NRXN1: variants seen among roughly 807,000 people sequenced by gnomAD.
NRXN1 encodes the protein neurexin-1.
In NRXN1, 39 loss-of-function variants were observed where a neutral mutation model predicts 150.9. The observed-to-expected ratio is 0.26, with a 90% CI of 0.20 to 0.34. The LOEUF is 0.34. NRXN1 is among the 10% of genes least tolerant of loss of function. NRXN1 has a pLI of 1.00. For missense variants in NRXN1, 1,815 were observed against 1,949.9 expected (o/e 0.93, Z 1.30); for synonymous variants, 924 against 757.0 (o/e 1.22, Z -3.62).
chr2:50,010,336 T>C (rs1000939140), intron 21 of NRXN1, among the ~76,000 whole-genome samples: 2 of 152,120 alleles, frequency 1.3e-5, no homozygotes, highest in Non-Finnish European at 2.9e-5. Flanking sequence ...AGATTTCTTT[T>C]GAATGTTCTC....
At chr2:49,978,437 G>T (rs1281884567) in intron 21 of NRXN1, among the ~76,000 whole-genome samples, 1 of 152,070 alleles carries the variant, frequency 6.6e-6, no homozygotes, top group East Asian at 1.9e-4. Flanking sequence ...CATAGATAAG[G>T]TTTCTGAAAA....
In NRXN1 at chr2:49,937,594, G is replaced by A. The variant is rs187890395; in HGVS notation, c.4216+6110C>T. On this transcript the variant is annotated intron_variant, in intron 22 of 22. Transcript: ENST00000401669. ...ACACTGAAACCCAGCTAGCACATCA[G>A]TTTCCAACTCCAGCTGCCCCATCCC... 3.3e-5 allele frequency among the ~76,000 whole-genome samples: 5 copies of A among 152,238 alleles called. No homozygotes were observed. The East Asian group carries it at 7.7e-4, about 24-fold the overall frequency.
At chr2:50,829,680 G>A (rs557084104) in intron 5 of NRXN1, 23 of 1,610,364 alleles carry the variant, frequency 1.4e-5, no homozygotes, top group Admixed American at 1.2e-4. Flanking sequence ...CTGACACAGC[G>A]GAGCGCCGCG....
chr2:50,081,112 G>T (rs1037915605), intron 19 of NRXN1, among the ~76,000 whole-genome samples: 2 of 152,250 alleles, frequency 1.3e-5, no homozygotes, highest in African/African-American at 4.8e-5. Flanking sequence ...GAGATTCAAA[G>T]GAAGTTAAGA....
chr2:50,840,969 C>A (rs536521872), intron 5 of NRXN1: 3 of 152,614 alleles, frequency 2.0e-5, no homozygotes, highest in South Asian at 2.1e-4. Flanking sequence ...CTAATTAGAA[C>A]TGGGGTAGCT....
intron 17 of NRXN1, among the ~76,000 whole-genome samples, chr2:50,341,770 A>C (rs996622166): frequency 6.6e-6 from 1 of 152,226 alleles, no homozygotes; most frequent in Non-Finnish European, 1.5e-5. Flanking sequence ...CAACTGTATA[A>C]AGAGCTCTTT....
At chr2:50,853,150 GCTAT>G (rs1039449477) in intron 5 of NRXN1, among the ~76,000 whole-genome samples, 5 of 152,250 alleles carry the variant, frequency 3.3e-5, no homozygotes, top group African/African-American at 1.2e-4. Flanking sequence ...TTTATTCTCT[GCTAT>G]CTGAGGACTA....
intron 13 of NRXN1, among the ~76,000 whole-genome samples, chr2:50,502,226 G>GGAAGGAAA (rs1277724775): frequency 3.3e-5 from 2 of 61,278 alleles, no homozygotes; most frequent in African/African-American, 1.1e-4. Flanking sequence ...AAGGAAAGAA[G>GGAAGGAAA]GAAGGAAGGA....
intron 21 of NRXN1, among the ~76,000 whole-genome samples, chr2:49,977,259 G>A (rs552863441): frequency 1.2e-4 from 19 of 152,166 alleles, no homozygotes; most frequent in Middle Eastern, 3.4e-3. Context: ...AGTGGTTTCG[G>A]ATGGTGATTT....
At chr2:50,229,494 T>C (rs1427963263) in intron 18 of NRXN1, among the ~76,000 whole-genome samples, 1 of 152,076 alleles carries the variant, frequency 6.6e-6, no homozygotes, top group Non-Finnish European at 1.5e-5. Context: ...GCCTCCTTAA[T>C]AACGTGCTTG....
rs535480569 is a variant in NRXN1 at position 50,155,001 on chromosome 2, T to C, written c.3547-63507A>G. On this transcript the variant is annotated intron_variant, in intron 18 of 22. Transcript: ENST00000401669. ...AATAAAAGTATAAAATCATTCAAAA[T>C]TGTATCTATAGTGGAATTTCATCAA... Among the ~76,000 whole-genome samples the C allele has an allele frequency of 2.6e-5, 4 of 151,786 alleles. No homozygotes were observed. In the South Asian group the frequency reaches 8.3e-4, roughly 31 times the overall value.
chr2:50,309,115 G>A (rs571586193), intron 17 of NRXN1, among the ~76,000 whole-genome samples: 1 of 152,154 alleles, frequency 6.6e-6, no homozygotes, highest in African/African-American at 2.4e-5. Context: ...TTTGATCCAA[G>A]GTTCTTTCCC....
At chr2:50,331,368 A>T (rs2076824659) in intron 17 of NRXN1, among the ~76,000 whole-genome samples, 1 of 152,266 alleles carries the variant, frequency 6.6e-6, no homozygotes, top group South Asian at 2.1e-4. Context: ...AGGACCAAAG[A>T]GTGTTTTTAT....
intron 18 of NRXN1, among the ~76,000 whole-genome samples, chr2:50,213,533 T>A (rs184791182): frequency 6.6e-6 from 1 of 151,984 alleles, no homozygotes; most frequent in Admixed American, 6.6e-5. Flanking sequence ...GATCTGGAAG[T>A]TTCGTTAGTC....
intron 12 of NRXN1, among the ~76,000 whole-genome samples, chr2:50,520,810 A>G (rs961632117): frequency 6.6e-6 from 1 of 152,012 alleles, no homozygotes; most frequent in Non-Finnish European, 1.5e-5. Context: ...TTATCTGCCT[A>G]TTTCAACACT....
At chr2:50,976,750 G>A (rs1488163557) in intron 2 of NRXN1, among the ~76,000 whole-genome samples, 3 of 151,848 alleles carry the variant, frequency 2.0e-5, no homozygotes, top group Admixed American at 1.3e-4. Flanking sequence ...CTCGGGAACT[G>A]TAACCCTGTG....
At chr2:50,888,493 A>C (rs867586549) in intron 5 of NRXN1, among the ~76,000 whole-genome samples, 1 of 151,454 alleles carries the variant, frequency 6.6e-6, no homozygotes, top group Non-Finnish European at 1.5e-5. Context: ...TGGAGAGTTA[A>C]AACAGTCTAG....
intron 17 of NRXN1, among the ~76,000 whole-genome samples, chr2:50,298,393 T>G (rs889080710): frequency 6.6e-6 from 1 of 152,152 alleles, no homozygotes; most frequent in Non-Finnish European, 1.5e-5. Context: ...GATGACAGCT[T>G]TTTTCTTGAA....
At chr2:50,383,670 A>G (rs2081126419) in intron 17 of NRXN1, among the ~76,000 whole-genome samples, 1 of 152,188 alleles carries the variant, frequency 6.6e-6, no homozygotes, top group African/African-American at 2.4e-5. Context: ...AAGAGTGGGA[A>G]GAAAAATGGG....
Sources: gnomAD v4.1 joint callset for allele counts (sites outside exome capture counted in the v4.1 genomes callset) on GRCh38, gnomAD v4.1.1 for gene constraint, MANE v1.5 for transcripts, NCBI Gene and HGNC (gene_info 2026-07-23, HGNC 2026-07-21) for gene names.